The following XIRP1 variants were observed in gnomAD, a reference collection of about 807,000 sequenced individuals.
XIRP1 encodes xin actin-binding repeat-containing protein 1.
For missense variants in XIRP1, 2,378 were observed against 2,345.4 expected (o/e 1.01, Z -0.29); for synonymous variants, 984 against 947.0 (o/e 1.04, Z -0.72).
In XIRP1 at chr3:39,183,807, A is replaced by G. The variant is rs974374659; in HGVS notation, c.*107T>C. ...CCCACAGTAATCCTCTGAAGATGCC[A>G]TTTCCTCTTGGTCCTTGCTCCAGTG... On this transcript the variant is annotated 3_prime_UTR_variant, in exon 2 of 2. Coordinates refer to ENST00000340369, the MANE Select transcript of XIRP1 (RefSeq NM_194293.4). 68 of 1,435,360 alleles carry G rather than the reference A, an allele frequency of 4.7e-5. 1 individual carries two copies. The South Asian group carries it at 8.1e-4, about 17-fold the overall frequency. 88.9% of individuals were successfully genotyped at this position (1,435,360 alleles called of 1,614,324 possible). A position where few individuals can be genotyped will look rare whatever the true frequency, so the allele number is the denominator to read the frequency against.
rs893479287 is a variant in XIRP1 at position 39,185,730 on chromosome 3, C to T, written c.3716G>A (p.Gly1239Glu). 17 of 1,608,798 alleles carry T rather than the reference C, an allele frequency of 1.1e-5. No individual in the cohort carries two copies. The African/African-American group carries it at 2.3e-4, about 22-fold the overall frequency. ...CGGGCTGGCACCTGCAGCTTGGGGC[C>T]CAGAGGCCAGAATGTGGCGGCCTAG... is the stretch of plus-strand genomic sequence containing the variant. The part of the protein sequence containing the change: ...APLGRHILAS[G>E]PQAAGASPHP... The change falls in exon 2 of 2, where the codon GGG (glycine) becomes GAG (glutamate). Residue 1239 changes from glycine (G) to glutamate (E), a missense_variant. Gly to Glu is a moderately conservative substitution (Grantham distance 98). Transcript: ENST00000340369.
chr3:39,185,397 G>A lies in XIRP1; in HGVS notation c.4049C>T (p.Pro1350Leu). 6.2e-7 allele frequency: 1 copy of A among 1,614,076 alleles called. No homozygotes were observed. The highest frequency in any genetic ancestry group is 2.2e-5 in the East Asian group (1 of 44,882). Residue 1350 changes from proline (P) to leucine (L), a missense_variant, in exon 2 of 2, where the codon CCC becomes CTC. Physicochemically the swap from Pro to Leu is moderately conservative, Grantham distance 98. Coordinates refer to ENST00000340369, the MANE Select transcript of XIRP1 (RefSeq NM_194293.4). ...QRLPKPLPLSPSFSSEVGQRE... is the reference protein window; with the variant it reads ...QRLPKPLPLSLSFSSEVGQRE... Reference sequence around the variant, plus strand: ...TTGCCCCACCTCCGAGGAAAAGCTGGGAGATAGAGGCAAGGGCTTGGGCAG... The same window carrying A: ...TTGCCCCACCTCCGAGGAAAAGCTGAGAGATAGAGGCAAGGGCTTGGGCAG...
At position 39,189,220 on chromosome 3, in the gene XIRP1, C is replaced by A. The variant is rs1237902491; in HGVS notation, c.226G>T (p.Asp76Tyr). ...TCAGAGCCCAGGACCTCAGCCAGAT[C>A]CTCGGCCACAGCCTCAGCCAGATTC... ...RKNLAEAVAE[D>Y]LAEVLGSEEP... The change falls in exon 2 of 2, where the codon GAT becomes TAT. Residue 76 changes from aspartate (D) to tyrosine (Y), a missense_variant. Coordinates refer to ENST00000340369, the MANE Select transcript of XIRP1 (RefSeq NM_194293.4). The A allele has an allele frequency of 6.2e-7, 1 of 1,614,072 alleles. No individual in the cohort carries two copies. Among genetic ancestry groups the A allele is most frequent in the Non-Finnish European group, 8.5e-7 (1 of 1,180,050 alleles).
In XIRP1 at chr3:39,184,098, A is replaced by C. The variant is rs577754321; in HGVS notation, c.5348T>G (p.Leu1783Arg). ...EEVDQFGNTV[L>R]MSSTTVTEQA... ...CTCGGTGACTGTGGTGGAAGACATGAGGACTGTGTTCCCAAACTGGTCCAC... is the reference window on the plus strand; with the variant it reads ...CTCGGTGACTGTGGTGGAAGACATGCGGACTGTGTTCCCAAACTGGTCCAC... The change falls in exon 2 of 2, where the codon CTC becomes CGC. Residue 1783 changes from leucine to arginine, a missense_variant. Physicochemically the swap from Leu to Arg is moderately radical, Grantham distance 102. Coordinates refer to ENST00000340369, the MANE Select transcript of XIRP1 (RefSeq NM_194293.4). The C allele has an allele frequency of 6.2e-7, 1 of 1,606,068 alleles. No homozygotes were observed. Among genetic ancestry groups the C allele is most frequent in the African/African-American group, 1.3e-5 (1 of 74,950 alleles).
chr3:39,185,346 T>A lies in XIRP1; in HGVS notation c.4100A>T (p.Asp1367Val). 1 of 1,614,150 alleles carries A rather than the reference T, an allele frequency of 6.2e-7. No homozygotes were observed. The highest frequency in any genetic ancestry group is 8.5e-7 in the Non-Finnish European group (1 of 1,180,024). ...CTTGGCTGGCTGAGGGATGGCTGTA[T>A]CTCTCTCACCTCGTTGGTGTTCTCT... is the stretch of plus-strand genomic sequence containing the variant. ...GQREHQRGER[D>V]TAIPQPAKVP... The change falls in exon 2 of 2, where the codon GAT becomes GTT. Residue 1367 changes from aspartate to valine, a missense_variant. Asp to Val is a radical substitution (Grantham distance 152). Coordinates refer to ENST00000340369, the MANE Select transcript of XIRP1 (RefSeq NM_194293.4).
chr3:39,183,746 A>G lies in XIRP1; in HGVS notation c.*168T>C, dbSNP rs1235284364. On this transcript the variant is annotated 3_prime_UTR_variant, in exon 2 of 2. Transcript: ENST00000340369. ...GACCTTTCTTTTTCCATTTGGAAGA[A>G]CTGGGCCTATTGAAAGAACTGCGAA... 8.7e-7 allele frequency: 1 copy of G among 1,155,968 alleles called. No homozygotes were observed. The highest frequency in any genetic ancestry group is 1.2e-6 in the Non-Finnish European group (1 of 847,598). The allele number at this position is 1,155,968 out of a possible 1,614,324, so 71.6% of individuals were successfully genotyped here. A position where few individuals can be genotyped will look rare whatever the true frequency, so the allele number is the denominator to read the frequency against.
Position 39,185,002 on chromosome 3 carries a change from C to T in XIRP1, c.4444G>A (p.Glu1482Lys). ...TCCACACTGCTTGCGGCCTCCTTCT[C>T]CAGGGCTTGCACCTGGTTCAGGAGG... ...QGLLNQVQAL[E>K]KEAASSVDVQ... The change falls in exon 2 of 2, where the codon GAG becomes AAG. Residue 1482 changes from glutamate to lysine, a missense_variant. Glu to Lys is a moderately conservative substitution (Grantham distance 56). Coordinates refer to ENST00000340369, the MANE Select transcript of XIRP1 (RefSeq NM_194293.4). The T allele has an allele frequency of 2.0e-6, 3 of 1,521,894 alleles. No homozygotes were observed. Among genetic ancestry groups the T allele is most frequent in the East Asian group, 2.3e-5 (1 of 44,128 alleles). 94.3% of individuals were successfully genotyped at this position (1,521,894 alleles called of 1,614,324 possible).
Position 39,187,931 on chromosome 3 carries a change from G to C in XIRP1, c.1515C>G (p.Val505=). 6.2e-7 allele frequency: 1 copy of C among 1,614,122 alleles called. No homozygotes were observed. The highest frequency in any genetic ancestry group is 8.5e-7 in the Non-Finnish European group (1 of 1,180,026). Residue 505 remains valine, a synonymous_variant, in exon 2 of 2, where the codon GTC becomes GTG. Transcript: ENST00000340369. Reference sequence around the variant, plus strand: ...ACCTGTAGCCCTGCACATCACCTCCGACTATCTGCTCTCTGCTAACAGAGG... The same window carrying C: ...ACCTGTAGCCCTGCACATCACCTCCCACTATCTGCTCTCTGCTAACAGAGG... ...ALTSVSREQI[V]GGDVQGYRWM...
rs1247405256 is a variant in XIRP1 at position 39,185,697 on chromosome 3, T to C, written c.3749A>G (p.His1250Arg). The C allele has an allele frequency of 5.6e-6, 9 of 1,612,444 alleles. No individual in the cohort carries two copies. In the South Asian group the frequency reaches 7.7e-5, roughly 14 times the overall value. The change falls in exon 2 of 2, where the codon CAT becomes CGT. Residue 1250 changes from histidine (H) to arginine (R), a missense_variant. Coordinates refer to ENST00000340369, the MANE Select transcript of XIRP1 (RefSeq NM_194293.4). Reference sequence around the variant, plus strand: ...AGGAGGAGGAGGAACAAAGGCATTATGGGGGTGCGGGCTGGCACCTGCAGC... The same window carrying C: ...AGGAGGAGGAGGAACAAAGGCATTACGGGGGTGCGGGCTGGCACCTGCAGC... The part of the protein sequence containing the change: ...PQAAGASPHP[H>R]NAFVPPPPTL...
rs367750259 is a variant in XIRP1, at chr3:39,186,994, G to A, written c.2452C>T (p.Arg818Ter). ...SGTGQGHPYI[R>*]KEELVSGELP... ...TCACCTGACACCAGCTCCTCCTTTC[G>A]TATATAAGGGTGCCCCTGCCCTGTG... Residue 818 changes from arginine (R) to a stop codon, truncating the protein, a stop_gained, in exon 2 of 2, where the codon CGA (arginine) becomes TGA (stop). Coordinates refer to ENST00000340369, the MANE Select transcript of XIRP1 (RefSeq NM_194293.4). LOFTEE classifies it low-confidence loss of function (END_TRUNC). 24 of 1,604,530 alleles carry A rather than the reference G, an allele frequency of 1.5e-5. No homozygotes were observed. Among genetic ancestry groups the A allele is most frequent in the East Asian group, 4.5e-5 (2 of 44,542 alleles).
chr3:39,190,328 G>GCCA (rs2040069995), intron 1 of XIRP1, among the ~76,000 whole-genome samples: 1 of 152,140 alleles, frequency 6.6e-6, no homozygotes, highest in Non-Finnish European at 1.5e-5. Flanking sequence ...AGGCCGTGCT[G>GCCA]GCTTGGGGTC....
rs755221922 is a variant in XIRP1, at chr3:39,184,157, T to C, written c.5289A>G (p.Gly1763=). Reference sequence around the variant, plus strand: ...ACTGTTCAGTCACGGTTCTCATGGCTCCATAGTGTTGTGAGCTCCCTGGCC... The same window carrying C: ...ACTGTTCAGTCACGGTTCTCATGGCCCCATAGTGTTGTGAGCTCCCTGGCC... The part of the protein sequence containing the change: ...QTGPGSSQHY[G]AMRTVTEQYE... Residue 1763 remains glycine, a synonymous_variant, in exon 2 of 2, where the codon GGA becomes GGG. Transcript: ENST00000340369. 1 of 1,613,506 alleles carries C rather than the reference T, an allele frequency of 6.2e-7. No individual in the cohort carries two copies. Among genetic ancestry groups the C allele is most frequent in the Non-Finnish European group, 8.5e-7 (1 of 1,179,712 alleles).
chr3:39,185,889 C>A lies in XIRP1; in HGVS notation c.3557G>T (p.Gly1186Val), dbSNP rs1361495319. ...QAPRPLQGGPGQSTGPGREEP... is the reference protein window; with the variant it reads ...QAPRPLQGGPVQSTGPGREEP... ...CTCCCGCCCTGGCCCAGTACTCTGACCTGGGCCTCCCTGGAGTGGGCGGGG... is the reference window on the plus strand; with the variant it reads ...CTCCCGCCCTGGCCCAGTACTCTGAACTGGGCCTCCCTGGAGTGGGCGGGG... The change falls in exon 2 of 2, where the codon GGT becomes GTT. Residue 1186 changes from glycine (G) to valine (V), a missense_variant. By Grantham distance (109) the Gly-to-Val change is moderately radical. Transcript: ENST00000340369. The A allele has an allele frequency of 4.5e-5, 72 of 1,613,510 alleles. No individual in the cohort carries two copies. Among genetic ancestry groups the A allele is most frequent in the Non-Finnish European group, 5.9e-5 (70 of 1,179,676 alleles).
chr3:39,186,770 C>T lies in XIRP1; in HGVS notation c.2676G>A (p.Arg892=), dbSNP rs1217303160. 25 of 1,614,038 alleles carry T rather than the reference C, an allele frequency of 1.5e-5. No homozygotes were observed. The highest frequency in any genetic ancestry group is 2.0e-5 in the Non-Finnish European group (24 of 1,180,032). ...LACGLGTSVA[R]TGLVMQETEQ... is the part of the protein sequence containing the mutation. ...CTGTCTCCTGCATCACCAGCCCAGT[C>T]CTTGCCACGGAGGTCCCAAGACCGC... The change falls in exon 2 of 2, where the codon AGG becomes AGA. Residue 892 remains arginine (R), a synonymous_variant. Coordinates refer to ENST00000340369, the MANE Select transcript of XIRP1 (RefSeq NM_194293.4).
rs2040009204 is a variant in XIRP1, at chr3:39,187,717, T to C, written c.1729A>G (p.Ser577Gly). The change falls in exon 2 of 2, where the codon AGT becomes GGT. Residue 577 changes from serine (S) to glycine (G), a missense_variant. By Grantham distance (56) the Ser-to-Gly change is moderately conservative. Transcript: ENST00000340369. ...GCCTCAGGCTGGGGGTCTCCCTGAC[T>C]CTTCCCTTCTTCTTTCTGTCGTTCC... ...QQERQKEEGK[S>G]QGDPQPEAPP... is the part of the protein sequence containing the mutation. The C allele has an allele frequency of 6.2e-7, 1 of 1,614,076 alleles. No individual in the cohort carries two copies. The highest frequency in any genetic ancestry group is 8.5e-7 in the Non-Finnish European group (1 of 1,180,042).
rs201260330 is a variant in XIRP1 at position 39,187,548 on chromosome 3, T to C, written c.1898A>G (p.Gln633Arg). 6.8e-6 allele frequency: 11 copies of C among 1,614,096 alleles called. No homozygotes were observed. Among genetic ancestry groups the C allele is most frequent in the African/African-American group, 6.7e-5 (5 of 75,068 alleles). ...AQSCTWMFKPQPVDRPVGSRE... is the reference protein window; with the variant it reads ...AQSCTWMFKPRPVDRPVGSRE... ...GGAGCCCACTGGCCTGTCCACAGGT[T>C]GGGGCTTGAACATCCAGGTGCAGGA... The change falls in exon 2 of 2, where the codon CAA becomes CGA. Residue 633 changes from glutamine (Q) to arginine (R), a missense_variant. Physicochemically the swap from Gln to Arg is conservative, Grantham distance 43. Transcript: ENST00000340369.
chr3:39,188,733 TC>T lies in XIRP1; in HGVS notation c.712del (p.Glu238SerfsTer29). On this transcript the variant is annotated frameshift_variant, in exon 2 of 2. Coordinates refer to ENST00000340369, the MANE Select transcript of XIRP1 (RefSeq NM_194293.4). LOFTEE classifies it low-confidence loss of function (END_TRUNC). The part of the protein sequence containing the change: ...VKKTVKLFQT[E>X]PLCAIQDAEG... ...TGCATCCTGGATGGCACACAGGGGC[TC>T]CGTTTGGAAGAGCTTCACTGTCTTT... 6.2e-7 allele frequency: 1 copy of T among 1,613,736 alleles called. No individual in the cohort carries two copies. Among genetic ancestry groups the T allele is most frequent in the Non-Finnish European group, 8.5e-7 (1 of 1,180,038 alleles).
rs1266391567 is a variant in XIRP1 at position 39,187,225 on chromosome 3, C to T, written c.2221G>A (p.Ala741Thr). Reference sequence around the variant, plus strand: ...TTGCCCCCTTGGATGCTCTCAGCTGCCAGGGAGCCCATGGGACAATTCTCA... The same window carrying T: ...TTGCCCCCTTGGATGCTCTCAGCTGTCAGGGAGCCCATGGGACAATTCTCA... Reference protein sequence around the residue: ...LFENCPMGSLAAESIQGGNLL... With the variant: ...LFENCPMGSLTAESIQGGNLL... The change falls in exon 2 of 2, where the codon GCA becomes ACA. Residue 741 changes from alanine (A) to threonine (T), a missense_variant. Transcript: ENST00000340369. 1.9e-6 allele frequency: 3 copies of T among 1,589,060 alleles called. No individual in the cohort carries two copies. Among genetic ancestry groups the T allele is most frequent in the South Asian group, 1.1e-5 (1 of 88,844 alleles).
In XIRP1 at chr3:39,186,507, A is replaced by T. The variant is rs752483093; in HGVS notation, c.2939T>A (p.Met980Lys). The T allele has an allele frequency of 1.2e-6, 2 of 1,613,188 alleles. No homozygotes were observed. The highest frequency in any genetic ancestry group is 3.3e-5 in the Admixed American group (2 of 59,982). ...TGAGGCTCTCAGATGCCCCATCCCC[A>T]TGCTGGGGTCCAGTGGGGGAACATG... is the stretch of plus-strand genomic sequence containing the variant. ...IIHVPPLDPS[M>K]GMGHLRASGA... Residue 980 changes from methionine (M) to lysine (K), a missense_variant, in exon 2 of 2, where the codon ATG becomes AAG. Physicochemically the swap from Met to Lys is moderately conservative, Grantham distance 95. Coordinates refer to ENST00000340369, the MANE Select transcript of XIRP1 (RefSeq NM_194293.4).
Sources: gnomAD v4.1 joint callset for allele counts (sites outside exome capture counted in the v4.1 genomes callset) on GRCh38, gnomAD v4.1.1 for gene constraint, MANE v1.5 for transcripts, NCBI Gene and HGNC (gene_info 2026-07-23, HGNC 2026-07-21) for gene names.